RASEF: variants seen among roughly 807,000 people sequenced by gnomAD.
RASEF encodes the protein RAS and EF-hand domain containing, also known as ras and EF-hand domain-containing protein.
Under a neutral mutation model 90.1 loss-of-function variants are expected in RASEF, and 68 were observed. The observed-to-expected ratio is 0.75, with a 90% CI of 0.62 to 0.92. The LOEUF (loss-of-function observed/expected upper bound fraction) is 0.92. Among genes scored for constraint, RASEF ranks in the 40% least tolerant of loss-of-function variants. RASEF has a pLI of 0.00. For synonymous variants in RASEF, 331 were observed against 345.2 expected, an observed-to-expected ratio of 0.96 and a Z score of 0.46; for missense variants, 949 against 937.2, an observed-to-expected ratio of 1.01 and a Z score of -0.16.
At chr9:83,100,650 A>G in the RASEF span, among the ~76,000 whole-genome samples, 3 of 152,218 alleles carry the variant, frequency 2.0e-5, no homozygotes, top group Non-Finnish European at 2.9e-5. Flanking sequence ...AACAAATCAG[A>G]AAGCCTGGTT....
the RASEF span, among the ~76,000 whole-genome samples, chr9:83,201,608 T>A: frequency 6.6e-6 from 1 of 152,196 alleles, no homozygotes; most frequent in Non-Finnish European, 1.5e-5. Context: ...TAAATATTAA[T>A]GGGACTTTTT....
the RASEF span, among the ~76,000 whole-genome samples, chr9:83,120,803 AAG>A: frequency 6.6e-6 from 1 of 152,172 alleles, no homozygotes; most frequent in African/African-American, 2.4e-5. Flanking sequence ...TCATTCTTTT[AAG>A]AACAAAGGAA....
At chr9:83,159,696 A>G in the RASEF span, among the ~76,000 whole-genome samples, 5 of 152,368 alleles carry the variant, frequency 3.3e-5, no homozygotes, top group South Asian at 1.0e-3. Context: ...TATATTTGAA[A>G]AAATTTTCAA....
the RASEF span, among the ~76,000 whole-genome samples, chr9:83,072,214 C>T: frequency 2.0e-5 from 3 of 152,058 alleles, no homozygotes; most frequent in African/African-American, 7.2e-5. Context: ...TTAGGCTTCC[C>T]TTCTAAGTAT....
At chr9:83,193,938 G>C in the RASEF span, among the ~76,000 whole-genome samples, 1 of 152,312 alleles carries the variant, frequency 6.6e-6, no homozygotes. Context: ...AGCTTAGGTG[G>C]ACTGCAAGTG....
At chr9:83,135,495 T>A in the RASEF span, among the ~76,000 whole-genome samples, 17,019 of 151,968 alleles carry the variant, frequency 0.11, 1,236 homozygotes, top group African/African-American at 0.22. Flanking sequence ...AAGTATAATT[T>A]AAAAAATAAA....
chr9:83,087,151 G>A, the RASEF span, among the ~76,000 whole-genome samples: 1 of 152,206 alleles, frequency 6.6e-6, no homozygotes, highest in African/African-American at 2.4e-5. Flanking sequence ...GATTGCAATA[G>A]AAGCTAGATT....
chr9:82,994,296 T>C (rs1405684948), intron 14 of RASEF, among the ~76,000 whole-genome samples: 2 of 152,172 alleles, frequency 1.3e-5, no homozygotes, highest in African/African-American at 4.8e-5. Flanking sequence ...TTGAAAGTTA[T>C]TAGTCAAATA....
chr9:83,043,443 T>C (rs1829876129), intron 1 of RASEF, among the ~76,000 whole-genome samples: 1 of 152,154 alleles, frequency 6.6e-6, no homozygotes, highest in African/African-American at 2.4e-5. Flanking sequence ...AATGTTCTGT[T>C]TCTTCACCTG....
the RASEF span, among the ~76,000 whole-genome samples, chr9:83,159,279 C>A: frequency 6.6e-6 from 1 of 151,998 alleles, no homozygotes; most frequent in African/African-American, 2.4e-5. Flanking sequence ...AAAGCTTGAG[C>A]CTTTAACAGC....
intron 1 of RASEF, among the ~76,000 whole-genome samples, chr9:83,053,905 G>A (rs1303679811): frequency 5.1e-5 from 3 of 59,324 alleles, no homozygotes; most frequent in Non-Finnish European, 9.0e-5. Flanking sequence ...GGTTTCTGCC[G>A]AGAGATCCGC....
the RASEF span, among the ~76,000 whole-genome samples, chr9:83,144,114 A>G: frequency 6.6e-6 from 1 of 151,910 alleles, no homozygotes; most frequent in African/African-American, 2.4e-5. Flanking sequence ...GCATACATGG[A>G]CATAAACATG....
At chr9:83,108,681 C>T in the RASEF span, among the ~76,000 whole-genome samples, 32 of 152,192 alleles carry the variant, frequency 2.1e-4, 1 homozygote. Context: ...CTTCTGTTCA[C>T]AGTTTTTGTC....
At chr9:83,187,844 C>T in the RASEF span, among the ~76,000 whole-genome samples, 1 of 152,204 alleles carries the variant, frequency 6.6e-6, no homozygotes, top group Non-Finnish European at 1.5e-5. Context: ...TCCACAGCTA[C>T]TCGATACTTT....
the RASEF span, among the ~76,000 whole-genome samples, chr9:83,145,757 C>T: frequency 1.3e-5 from 2 of 151,838 alleles, no homozygotes; most frequent in African/African-American, 4.8e-5. Flanking sequence ...AATAAGGCCA[C>T]AAGTTAGGTT....
chr9:83,087,267 G>A, the RASEF span, among the ~76,000 whole-genome samples: 3 of 152,196 alleles, frequency 2.0e-5, no homozygotes, highest in Non-Finnish European at 2.9e-5. Flanking sequence ...AACCCCCAGT[G>A]TGATGGTATT....
At chr9:83,183,504 T>C in the RASEF span, among the ~76,000 whole-genome samples, 1 of 152,184 alleles carries the variant, frequency 6.6e-6, no homozygotes, top group Admixed American at 6.5e-5. Flanking sequence ...GGTATGAATA[T>C]ACTATAAATG....
At chr9:83,083,199 G>T in the RASEF span, among the ~76,000 whole-genome samples, 64 of 152,198 alleles carry the variant, frequency 4.2e-4, no homozygotes, top group Admixed American at 3.1e-3. Flanking sequence ...CCATAAAGGG[G>T]TTTGTCTGTG....
the RASEF span, among the ~76,000 whole-genome samples, chr9:83,116,197 G>A: frequency 1.3e-5 from 2 of 152,250 alleles, no homozygotes; most frequent in Middle Eastern, 6.8e-3. Flanking sequence ...CCACAACTTG[G>A]TTGCCAATTT....
Sources: allele counts gnomAD v4.1 joint callset (sites outside exome capture counted in the v4.1 genomes callset), GRCh38; gene constraint gnomAD v4.1.1; transcripts MANE v1.5; gene names NCBI Gene and HGNC (gene_info 2026-07-23, HGNC 2026-07-21).